The following RAD54L2 variants were observed in gnomAD, a reference collection of about 807,000 sequenced individuals.
RAD54L2 encodes the protein RAD54 like 2.
RAD54L2 carries 27 observed loss-of-function variants against 138.4 expected under a neutral mutation model. That is an observed-to-expected ratio of 0.20 (90% CI 0.14 to 0.27). The LOEUF is 0.27. RAD54L2 is among the 10% of genes least tolerant of loss of function. The pLI is 1.00. For synonymous variants in RAD54L2, 644 were observed against 723.2 expected, an observed-to-expected ratio of 0.89 and a Z score of 1.76; for missense variants, 1,396 against 1,890.2, an observed-to-expected ratio of 0.74 and a Z score of 4.85.
At chr3:51,660,677 A>G (rs1475646522) in intron 22 of RAD54L2, among the ~76,000 whole-genome samples, 1 of 148,892 alleles carries the variant, frequency 6.7e-6, no homozygotes, top group Non-Finnish European at 1.5e-5. Flanking sequence ...GCTGGAGTGC[A>G]ATGGTGCAAT....
intron 2 of RAD54L2, among the ~76,000 whole-genome samples, chr3:51,574,538 C>T (rs1384167156): frequency 6.6e-6 from 1 of 152,208 alleles, no homozygotes; most frequent in African/African-American, 2.4e-5. Flanking sequence ...GATCGCCATT[C>T]TAACTGGTAT....
At chr3:51,574,183 T>C (rs904211969) in intron 2 of RAD54L2, among the ~76,000 whole-genome samples, 2 of 152,202 alleles carry the variant, frequency 1.3e-5, no homozygotes, top group African/African-American at 4.8e-5. Flanking sequence ...ACTCATCTTT[T>C]TTTATGGCTG....
Position 51,603,312 on chromosome 3 carries a change from A to G in RAD54L2, c.139+12753A>G, listed in dbSNP as rs2106739795. On this transcript the variant is annotated intron_variant, in intron 3 of 22. Coordinates refer to ENST00000684192, the MANE Select transcript of RAD54L2 (RefSeq NM_015106.4). ...GACAGAGTGAGACTTTGTCTCAGAAAATAAATAAATAGGCTGGATGCAGTG... is the reference window on the plus strand; with the variant it reads ...GACAGAGTGAGACTTTGTCTCAGAAGATAAATAAATAGGCTGGATGCAGTG... Among the ~76,000 whole-genome samples, 2 of 152,132 alleles carry G rather than the reference A, an allele frequency of 1.3e-5. 1 individual carries two copies. Among genetic ancestry groups the G allele is most frequent in the African/African-American group, 4.8e-5 (2 of 41,524 alleles).
In RAD54L2 at chr3:51,667,892, G is replaced by C. The variant is rs1701943976; in HGVS notation, c.*4472G>C. On this transcript the variant is annotated 3_prime_UTR_variant, in exon 23 of 23. Coordinates refer to ENST00000684192, the MANE Select transcript of RAD54L2 (RefSeq NM_015106.4). ...CCCTTTTGCAGGTCTATTTGACATA[G>C]TAATCTAGTGTGTTGGGGAGGGGTA... The C allele has an allele frequency of 6.6e-6, 1 of 152,214 alleles. No individual in the cohort carries two copies. The highest frequency in any genetic ancestry group is 2.4e-5 in the African/African-American group (1 of 41,430). 9.4% of individuals were successfully genotyped at this position (152,214 alleles called of 1,614,324 possible).
chr3:51,612,950 T>A (rs1192738117), intron 3 of RAD54L2, among the ~76,000 whole-genome samples: 1 of 152,188 alleles, frequency 6.6e-6, no homozygotes, highest in African/African-American at 2.4e-5. Context: ...TTTATTTATT[T>A]ATTTTTTTGA....
rs924260522 is a variant in RAD54L2 at position 51,665,103 on chromosome 3, A to T, written c.*1683A>T. The T allele has an allele frequency of 6.6e-6, 1 of 152,126 alleles. No homozygotes were observed. Among genetic ancestry groups the T allele is most frequent in the African/African-American group, 2.4e-5 (1 of 41,412 alleles). The allele number at this position is 152,126 out of a possible 1,614,324, so 9.4% of individuals were successfully genotyped here. Reference sequence around the variant, plus strand: ...TGGGTCTCCCCTTATTGCCATTGCCAGGGGAGGGTCGTCTAGTCCTTAAGC... The same window carrying T: ...TGGGTCTCCCCTTATTGCCATTGCCTGGGGAGGGTCGTCTAGTCCTTAAGC... On this transcript the variant is annotated 3_prime_UTR_variant, in exon 23 of 23. Coordinates refer to ENST00000684192, the MANE Select transcript of RAD54L2 (RefSeq NM_015106.4).
chr3:51,555,486 A>G (rs1300395166), intron 2 of RAD54L2, among the ~76,000 whole-genome samples: 1 of 152,100 alleles, frequency 6.6e-6, no homozygotes, highest in African/African-American at 2.4e-5. Context: ...GGTGGCACAC[A>G]TGTCTACTGA....
In RAD54L2 at chr3:51,638,372, G is replaced by T; in HGVS notation, c.1860+51G>T. The T allele has an allele frequency of 1.3e-6, 2 of 1,597,958 alleles. No individual in the cohort carries two copies. The highest frequency in any genetic ancestry group is 8.6e-7 in the Non-Finnish European group (1 of 1,168,378). On this transcript the variant is annotated intron_variant, in intron 12 of 22. Coordinates refer to ENST00000684192, the MANE Select transcript of RAD54L2 (RefSeq NM_015106.4). The surrounding 1 kb of genome is among the most constrained non-coding windows in gnomAD (Gnocchi z 4.3). The stretch of plus-strand genomic sequence containing the variant: ...GAGATGGGGACTAAGGATACACATG[G>T]TCCCAAGGGAGTTACTCCTACTGAG...
intron 2 of RAD54L2, among the ~76,000 whole-genome samples, chr3:51,586,717 C>T (rs748335205): frequency 1.3e-5 from 2 of 151,828 alleles, no homozygotes; most frequent in Non-Finnish European, 1.5e-5. Flanking sequence ...TATAGGCATG[C>T]GCTACTATGC....
intron 2 of RAD54L2, among the ~76,000 whole-genome samples, chr3:51,577,949 A>G (rs952610972): frequency 6.6e-6 from 1 of 152,148 alleles, no homozygotes; most frequent in Non-Finnish European, 1.5e-5. Flanking sequence ...TTATTATTTC[A>G]TTCATAGACA....
chr3:51,630,375 AAGC>A lies in RAD54L2; in HGVS notation c.588_590del (p.Ser197del). 6.2e-7 allele frequency: 1 copy of A among 1,613,788 alleles called. No individual in the cohort carries two copies. The highest frequency in any genetic ancestry group is 8.5e-7 in the Non-Finnish European group (1 of 1,179,742). ...GTAGCAGTGGCAGTGAGGATGAAAA[AAGC>A]AGTCGAGATGGTAAGATCAAACCAG... is the stretch of plus-strand genomic sequence containing the variant. On this transcript the variant is annotated inframe_deletion, in exon 6 of 23. Transcript: ENST00000684192.
intron 3 of RAD54L2, among the ~76,000 whole-genome samples, chr3:51,600,420 G>T (rs370014132): frequency 1.1e-3 from 163 of 152,152 alleles, no homozygotes; most frequent in South Asian, 3.9e-3. Flanking sequence ...TTCAAGACTG[G>T]CCTGAACAAA....
intron 15 of RAD54L2, 131 bp from the exon 16 acceptor site, chr3:51,643,744 G>A (rs1701200547): frequency 1.5e-5 from 11 of 733,916 alleles, no homozygotes; most frequent in East Asian, 5.6e-5. Flanking sequence ...CCCATGATAC[G>A]TCCAAGGGGT....
rs768354274 is a variant in RAD54L2, at chr3:51,626,436, CTTTTTTTTTTTTTTTTTTTT to C, written c.140-1110_140-1091del. ...TGACATCCCCTGGACCCCCAACGAT[CTTTTTTTTTTTTTTTTTTTT>C]TTTTTTAAGAGGGAGTCTCATTATG... On this transcript the variant is annotated intron_variant, in intron 3 of 22. Coordinates refer to ENST00000684192, the MANE Select transcript of RAD54L2 (RefSeq NM_015106.4). 5.1e-5 allele frequency among the ~76,000 whole-genome samples: 2 copies of C among 39,392 alleles called. 1 individual carries two copies. The highest frequency in any genetic ancestry group is 2.2e-4 in the African/African-American group (2 of 8,968). 25.8% of individuals were successfully genotyped at this position (39,392 alleles called of 152,430 possible). A position where few individuals can be genotyped will look rare whatever the true frequency, so the allele number is the denominator to read the frequency against.
At chr3:51,579,192 T>C (rs1699553858) in intron 2 of RAD54L2, among the ~76,000 whole-genome samples, 1 of 147,474 alleles carries the variant, frequency 6.8e-6, no homozygotes, top group African/African-American at 2.5e-5. Flanking sequence ...AGACAGAGTC[T>C]CACGGTGTCG....
chr3:51,572,632 G>A (rs1039856565), intron 2 of RAD54L2, among the ~76,000 whole-genome samples: 4 of 150,566 alleles, frequency 2.7e-5, no homozygotes, highest in East Asian at 2.0e-4. Flanking sequence ...AGTAAAAGGT[G>A]CTATAAATCT....
chr3:51,574,947 C>T (rs1265629771), intron 2 of RAD54L2, among the ~76,000 whole-genome samples: 1 of 152,142 alleles, frequency 6.6e-6, no homozygotes, highest in Non-Finnish European at 1.5e-5. Flanking sequence ...ATGGTATTGC[C>T]TAGGTTTTCT....
chr3:51,561,943 A>T (rs1256495320), intron 2 of RAD54L2, among the ~76,000 whole-genome samples: 1 of 151,520 alleles, frequency 6.6e-6, no homozygotes, highest in Non-Finnish European at 1.5e-5. Flanking sequence ...ATTGTGGCTC[A>T]CTGCAACTTT....
chr3:51,566,774 T>C (rs1699229451), intron 2 of RAD54L2, among the ~76,000 whole-genome samples: 1 of 152,088 alleles, frequency 6.6e-6, no homozygotes, highest in Admixed American at 6.6e-5. Flanking sequence ...GTGCCTGAGC[T>C]ATTTTGCGTT....
Sources: gnomAD v4.1 joint callset for allele counts (sites outside exome capture counted in the v4.1 genomes callset) on GRCh38, gnomAD v4.1.1 for gene constraint, Gnocchi (gnomAD v3.1) non-coding constraint, MANE v1.5 for transcripts, NCBI Gene and HGNC (gene_info 2026-07-23, HGNC 2026-07-21) for gene names.